The following RBMS1 variants were observed in gnomAD, a reference collection of about 807,000 sequenced individuals.
RBMS1 encodes RNA binding motif single stranded interacting protein 1.
RBMS1 carries 17 observed loss-of-function variants against 62.3 expected under a neutral mutation model. That is an observed-to-expected ratio of 0.27 (90% confidence interval 0.19 to 0.41). The LOEUF (loss-of-function observed/expected upper bound fraction) is 0.41, where lower values mean the gene tolerates loss of function less well. Ranked by LOEUF, RBMS1 falls within the 10% of genes least tolerant of loss-of-function variation. The pLI, the probability that RBMS1 is intolerant of heterozygous loss-of-function variation, is 1.00. For synonymous variants in RBMS1, 172 were observed against 170.0 expected, an observed-to-expected ratio of 1.01 and a Z score of -0.09; for missense variants, 334 against 504.5, an observed-to-expected ratio of 0.66 and a Z score of 3.24.
chr2:160,347,052 C>G (rs1318878219), intron 2 of RBMS1, among the ~76,000 whole-genome samples: 1 of 152,080 alleles, frequency 6.6e-6, no homozygotes, highest in Non-Finnish European at 1.5e-5. Flanking sequence ...CTGTCAGAGT[C>G]TTTCAGCTTT....
rs550060413 is a variant in RBMS1 at position 160,329,066 on chromosome 2, G to A, written c.252-10839C>T. ...CAAGAGTCAAATTGGACATTTCTTC[G>A]ACTGAACACTAACGCTGGCTTTGAT... On this transcript the variant is annotated intron_variant, in intron 2 of 13. Coordinates refer to ENST00000348849, the MANE Select transcript of RBMS1 (RefSeq NM_016836.4). Among the ~76,000 whole-genome samples the A allele has an allele frequency of 1.2e-4, 19 of 152,218 alleles. No homozygotes were observed. In the South Asian group the frequency reaches 3.5e-3, roughly 28 times the overall value.
intron 1 of RBMS1, among the ~76,000 whole-genome samples, chr2:160,444,239 T>G (rs185080432): frequency 6.9e-4 from 105 of 152,286 alleles, no homozygotes; most frequent in African/African-American, 2.5e-3. Flanking sequence ...CTCTATTCCC[T>G]TATATTTAAG....
At chr2:160,330,973 C>T (rs924827491) in intron 2 of RBMS1, among the ~76,000 whole-genome samples, 9 of 152,046 alleles carry the variant, frequency 5.9e-5, no homozygotes, top group African/African-American at 2.2e-4. Context: ...GAGAAGGCTG[C>T]GTGAAAACGG....
chr2:160,453,048 G>A (rs1435242961), intron 1 of RBMS1, among the ~76,000 whole-genome samples: 1 of 152,132 alleles, frequency 6.6e-6, no homozygotes, highest in Non-Finnish European at 1.5e-5. Flanking sequence ...ACAGGGACAA[G>A]CACTGGATAG....
intron 1 of RBMS1, among the ~76,000 whole-genome samples, chr2:160,474,702 A>C (rs1212568644): frequency 6.6e-6 from 1 of 152,208 alleles, no homozygotes; most frequent in Non-Finnish European, 1.5e-5. Context: ...ATTTGTCATA[A>C]TCAAACTTAG....
At chr2:160,492,857 C>A (rs1249912694) in intron 1 of RBMS1, 1 of 155,818 alleles carries the variant, frequency 6.4e-6, no homozygotes, top group Non-Finnish European at 1.4e-5. Context: ...CTCCGCGCCA[C>A]GGCGAGGGGA....
Position 160,287,073 on chromosome 2 carries a change from G to T in RBMS1, c.652C>A (p.Pro218Thr). 3.7e-6 allele frequency: 6 copies of T among 1,614,032 alleles called. No individual in the cohort carries two copies. Among genetic ancestry groups the T allele is most frequent in the Non-Finnish European group, 5.1e-6 (6 of 1,180,010 alleles). ...CCATCAGCAAACTTACACAATAAAG[G>T]TTCTGTGGGGGCTAAGTAAACAGAG... is the stretch of plus-strand genomic sequence containing the variant. The part of the protein sequence containing the change: ...TPPGVSAPTE[P>T]LLCKFADGGQ... Residue 218 changes from proline (P) to threonine (T), a missense_variant, in exon 7 of 14, where the codon CCT becomes ACT. This residue lies in a region of RBMS1 where 182 missense variants were observed against 257.7 expected (regional missense o/e 0.71). Coordinates refer to ENST00000348849, the MANE Select transcript of RBMS1 (RefSeq NM_016836.4).
Position 160,426,174 on chromosome 2 carries a change from T to C in RBMS1, c.76-58783A>G, listed in dbSNP as rs186822201. 2.0e-3 allele frequency among the ~76,000 whole-genome samples: 293 copies of C among 149,442 alleles called. 1 individual carries two copies. The highest frequency in any genetic ancestry group is 7.0e-3 in the African/African-American group (283 of 40,362). ...CATTTTATCATCCCAATTAAAGTGT[T>C]GCCTGGTGTCCAAACGAAAGAAAGG... On this transcript the variant is annotated intron_variant, in intron 1 of 13. Coordinates refer to ENST00000348849, the MANE Select transcript of RBMS1 (RefSeq NM_016836.4).
intron 1 of RBMS1, among the ~76,000 whole-genome samples, chr2:160,444,843 C>T (rs1028756061): frequency 6.6e-5 from 10 of 152,304 alleles, no homozygotes; most frequent in African/African-American, 1.9e-4. Context: ...AGGACACATG[C>T]GCACACAGCA....
intron 1 of RBMS1, among the ~76,000 whole-genome samples, chr2:160,483,073 C>G (rs1171664638): frequency 7.0e-6 from 1 of 142,782 alleles, no homozygotes; most frequent in East Asian, 2.0e-4. Flanking sequence ...AAAAAATAAT[C>G]TCTCTTAAAA....
chr2:160,410,749 C>G (rs1695993145), intron 1 of RBMS1, among the ~76,000 whole-genome samples: 3 of 152,166 alleles, frequency 2.0e-5, no homozygotes, highest in Admixed American at 6.5e-5. Context: ...AGATGCTCAT[C>G]CTCTTTTTTT....
intron 1 of RBMS1, among the ~76,000 whole-genome samples, chr2:160,449,133 C>A (rs1469947816): frequency 1.3e-5 from 2 of 151,930 alleles, no homozygotes; most frequent in East Asian, 1.9e-4. Flanking sequence ...AGCCCCTCCG[C>A]CCGGCAGCCG....
At chr2:160,480,898 C>T (rs1215368939) in intron 1 of RBMS1, among the ~76,000 whole-genome samples, 1 of 151,540 alleles carries the variant, frequency 6.6e-6, no homozygotes, top group Non-Finnish European at 1.5e-5. Flanking sequence ...GGCCAACATA[C>T]CGAAACCCCA....
At chr2:160,290,819 C>T (rs913966579) in intron 6 of RBMS1, among the ~76,000 whole-genome samples, 1 of 152,148 alleles carries the variant, frequency 6.6e-6, no homozygotes, top group Non-Finnish European at 1.5e-5. Context: ...ACTGGATTCT[C>T]CAGTGTGCTC....
chr2:160,377,526 C>A (rs1014095693), intron 1 of RBMS1, among the ~76,000 whole-genome samples: 4 of 152,122 alleles, frequency 2.6e-5, no homozygotes, highest in Non-Finnish European at 4.4e-5. Flanking sequence ...TGGGAAGGGC[C>A]CCCTTCCAGC....
intron 1 of RBMS1, among the ~76,000 whole-genome samples, chr2:160,396,095 T>C (rs942600449): frequency 6.6e-6 from 1 of 152,154 alleles, no homozygotes; most frequent in African/African-American, 2.4e-5. Context: ...ACCCAGAAAG[T>C]TTAAGAAATG....
At chr2:160,307,098 G>A (rs1324745733) in intron 4 of RBMS1, among the ~76,000 whole-genome samples, 2 of 152,056 alleles carry the variant, frequency 1.3e-5, no homozygotes, top group African/African-American at 4.8e-5. Context: ...AGCCAGGATC[G>A]GAAGTCCTGC....
chr2:160,286,128 A>T (rs1688375820), intron 7 of RBMS1, among the ~76,000 whole-genome samples: 1 of 151,490 alleles, frequency 6.6e-6, no homozygotes, highest in African/African-American at 2.4e-5. Context: ...AAAAATAAAT[A>T]AAAAAATAAA....
intron 2 of RBMS1, among the ~76,000 whole-genome samples, chr2:160,334,130 T>C (rs1383654679): frequency 1.3e-5 from 2 of 152,212 alleles, no homozygotes; most frequent in African/African-American, 4.8e-5. Context: ...AGAGCATTTA[T>C]CTATAGTACT....
Sources: allele counts gnomAD v4.1 joint callset (sites outside exome capture counted in the v4.1 genomes callset), GRCh38; gene constraint gnomAD v4.1.1; regional missense constraint gnomAD v4.1.1; transcripts MANE v1.5; gene names NCBI Gene and HGNC (gene_info 2026-07-23, HGNC 2026-07-21).